Variants in ZFPM2 observed in about 807,000 individuals in gnomAD.
ZFPM2 encodes zinc finger protein ZFPM2.
In ZFPM2, 20 loss-of-function variants were observed where a neutral mutation model predicts 98.6. The observed-to-expected ratio is 0.20, with a 90% CI of 0.14 to 0.29. ZFPM2 has a LOEUF of 0.29. ZFPM2 is among the 10% of genes least tolerant of loss of function. The pLI, the probability that ZFPM2 is intolerant of heterozygous loss-of-function variation, is 1.00. For synonymous variants in ZFPM2, 518 were observed against 502.7 expected (o/e 1.03, Z -0.41); for missense variants, 1,310 against 1,388.6 (o/e 0.94, Z 0.90).
intron 3 of ZFPM2, among the ~76,000 whole-genome samples, chr8:105,495,523 G>T (rs1813449801): frequency 6.6e-6 from 1 of 152,062 alleles, no homozygotes; most frequent in African/African-American, 2.4e-5. Context: ...ATTTGCTTTT[G>T]CTTGTAGAAG....
intron 5 of ZFPM2, among the ~76,000 whole-genome samples, chr8:105,782,228 A>G (rs1326694242): frequency 3.9e-5 from 6 of 152,278 alleles, no homozygotes; most frequent in Non-Finnish European, 7.3e-5. Flanking sequence ...TACTATTATT[A>G]GCACATGATG....
intron 1 of ZFPM2, among the ~76,000 whole-genome samples, chr8:105,370,141 G>A (rs1253884120): frequency 1.1e-4 from 16 of 152,044 alleles, no homozygotes; most frequent in Non-Finnish European, 4.4e-5. Context: ...TCATTGAAAT[G>A]ACAGTGCAAA....
chr8:105,550,354 C>G (rs1814822492), intron 3 of ZFPM2, among the ~76,000 whole-genome samples: 1 of 152,108 alleles, frequency 6.6e-6, no homozygotes, highest in African/African-American at 2.4e-5. Flanking sequence ...ATCCTTCCAC[C>G]TAGTTAAGTT....
intron 5 of ZFPM2, among the ~76,000 whole-genome samples, chr8:105,657,328 G>A (rs567521855): frequency 6.6e-6 from 1 of 152,002 alleles, no homozygotes; most frequent in Non-Finnish European, 1.5e-5. Context: ...TAGTAGAAAC[G>A]GGGTTTCACC....
At chr8:105,319,820 C>T (rs1211621260) in intron 1 of ZFPM2, 1 of 152,076 alleles carries the variant, frequency 6.6e-6, no homozygotes, top group East Asian at 2.0e-4. Flanking sequence ...CCCGGGGGTC[C>T]CGATGGTGCT....
chr8:105,792,519 C>G (rs1357140190), intron 6 of ZFPM2, among the ~76,000 whole-genome samples: 1 of 152,066 alleles, frequency 6.6e-6, no homozygotes, highest in Non-Finnish European at 1.5e-5. Context: ...ACTGTGTAGT[C>G]AATTTTGGAA....
At chr8:105,737,529 G>A (rs1253176468) in intron 5 of ZFPM2, 1 of 152,272 alleles carries the variant, frequency 6.6e-6, no homozygotes, top group Non-Finnish European at 1.5e-5. Context: ...GGACTTTGAT[G>A]ATAAGGGTGG....
chr8:105,688,157 A>G (rs1029053661), intron 5 of ZFPM2, among the ~76,000 whole-genome samples: 2 of 152,132 alleles, frequency 1.3e-5, no homozygotes, highest in Non-Finnish European at 2.9e-5. Flanking sequence ...ATAGAAAATT[A>G]AGTTATGAAG....
intron 5 of ZFPM2, among the ~76,000 whole-genome samples, chr8:105,665,938 C>T (rs528482537): frequency 6.6e-6 from 1 of 152,136 alleles, no homozygotes; most frequent in East Asian, 1.9e-4. Flanking sequence ...TACATATACA[C>T]AACAGAACAA....
chr8:105,331,599 G>A (rs1364622337), intron 1 of ZFPM2, among the ~76,000 whole-genome samples: 4 of 151,706 alleles, frequency 2.6e-5, no homozygotes, highest in Non-Finnish European at 4.4e-5. Context: ...AAAGAAACAT[G>A]ATTACATTTT....
chr8:105,351,935 G>A (rs145314204), intron 1 of ZFPM2, among the ~76,000 whole-genome samples: 401 of 152,250 alleles, frequency 2.6e-3, no homozygotes, highest in African/African-American at 9.1e-3. Flanking sequence ...AGTAGCATCA[G>A]CATCCCCTCA....
chr8:105,420,666 A>G lies in ZFPM2; in HGVS notation c.199+1364A>G, dbSNP rs1586359764. ...AATATTTTCCTTAGTTGCTAGAACC[A>G]TTAAATTGATGATATGTAGCCATGG... is the stretch of plus-strand genomic sequence containing the variant. On this transcript the variant is annotated intron_variant, in intron 2 of 7. Coordinates refer to ENST00000407775, the MANE Select transcript of ZFPM2 (RefSeq NM_012082.4). Among the ~76,000 whole-genome samples the G allele has an allele frequency of 2.0e-5, 3 of 152,320 alleles. No homozygotes were observed. In the East Asian group the frequency reaches 5.8e-4, roughly 29 times the overall value.
intron 1 of ZFPM2, among the ~76,000 whole-genome samples, chr8:105,372,569 A>G (rs1293612260): frequency 6.6e-6 from 1 of 152,186 alleles, no homozygotes; most frequent in Non-Finnish European, 1.5e-5. Flanking sequence ...TAGGTAAATA[A>G]AAGTCTGGTA....
intron 2 of ZFPM2, among the ~76,000 whole-genome samples, chr8:105,443,938 A>G (rs896913053): frequency 6.6e-6 from 1 of 152,204 alleles, no homozygotes; most frequent in African/African-American, 2.4e-5. Flanking sequence ...TTGGAAATCA[A>G]TGAGTTAAGT....
chr8:105,484,008 A>G (rs1813178303), intron 3 of ZFPM2, among the ~76,000 whole-genome samples: 1 of 152,154 alleles, frequency 6.6e-6, no homozygotes, highest in East Asian at 1.9e-4. Context: ...TGCTGGGATT[A>G]CAGGTGTGAG....
At chr8:105,732,855 A>G (rs1023887508) in intron 5 of ZFPM2, among the ~76,000 whole-genome samples, 1 of 151,856 alleles carries the variant, frequency 6.6e-6, no homozygotes, top group African/African-American at 2.4e-5. Context: ...ATTAACTTTC[A>G]GCTTGCACGT....
chr8:105,796,722 T>C (rs1422982887), intron 6 of ZFPM2: 1 of 152,178 alleles, frequency 6.6e-6, no homozygotes, highest in Admixed American at 6.5e-5. Context: ...TGCAGAGTTT[T>C]AGGCCTCTGT....
chr8:105,641,046 A>G (rs1816940257), intron 5 of ZFPM2, among the ~76,000 whole-genome samples: 1 of 152,028 alleles, frequency 6.6e-6, no homozygotes. Context: ...TGCTTTTTAA[A>G]TGACTTCAGG....
At chr8:105,530,948 A>T (rs1420271966) in intron 3 of ZFPM2, among the ~76,000 whole-genome samples, 1 of 152,146 alleles carries the variant, frequency 6.6e-6, no homozygotes, top group East Asian at 1.9e-4. Context: ...TTTTATGTAA[A>T]TATCCTATGG....
Sources: gnomAD v4.1 joint callset for allele counts (sites outside exome capture counted in the v4.1 genomes callset) on GRCh38, gnomAD v4.1.1 for gene constraint, MANE v1.5 for transcripts, NCBI Gene and HGNC (gene_info 2026-07-23, HGNC 2026-07-21) for gene names.